The following MGAT4D variants were observed in gnomAD, a reference collection of about 807,000 sequenced individuals.
MGAT4D encodes alpha-1,3-mannosyl-glycoprotein 4-beta-N-acetylglucosaminyltransferase-like protein MGAT4D.
MGAT4D carries 34 observed loss-of-function variants against 15.9 expected under a neutral mutation model. That is an observed-to-expected ratio of 2.14 (90% CI 1.62 to 2.84). MGAT4D has a LOEUF of 2.84. Ranked by LOEUF, MGAT4D falls within the 30% of genes most tolerant of loss-of-function variation. The probability of loss-of-function intolerance (pLI) is 0.00; values close to 1 mark genes in which losing one functional copy is unlikely to be tolerated. For missense variants in MGAT4D, 327 were observed against 140.2 expected, an observed-to-expected ratio of 2.33 and a Z score of -6.73; for synonymous variants, 112 against 48.2, an observed-to-expected ratio of 2.33 and a Z score of -5.49.
intron 1 of MGAT4D, among the ~76,000 whole-genome samples, chr4:140,486,214 C>T (rs1169708997): frequency 6.6e-6 from 1 of 152,056 alleles, no homozygotes; most frequent in African/African-American, 2.4e-5. Context: ...TGCTCTTCCC[C>T]CATATCCTTT....
chr4:140,463,453 G>A (rs1324773683), intron 6 of MGAT4D, among the ~76,000 whole-genome samples: 1 of 152,034 alleles, frequency 6.6e-6, no homozygotes, highest in Non-Finnish European at 1.5e-5. Context: ...AGCCCTGCTT[G>A]CTTTCTCAGT....
At chr4:140,449,117 T>C (rs1266065399) in intron 10 of MGAT4D, among the ~76,000 whole-genome samples, 1 of 152,194 alleles carries the variant, frequency 6.6e-6, no homozygotes, top group Non-Finnish European at 1.5e-5. Flanking sequence ...TAGAAAATCA[T>C]AGAAATACAC....
At chr4:140,476,305 C>T (rs1365170671) in intron 3 of MGAT4D, among the ~76,000 whole-genome samples, 3 of 151,946 alleles carry the variant, frequency 2.0e-5, no homozygotes, top group African/African-American at 7.3e-5. Context: ...AATGTTTTGC[C>T]CCTTGATGAA....
At chr4:140,484,879 G>T (rs189279651) in intron 1 of MGAT4D, among the ~76,000 whole-genome samples, 6 of 152,140 alleles carry the variant, frequency 3.9e-5, no homozygotes, top group African/African-American at 1.4e-4. Flanking sequence ...TTAGAATGGC[G>T]ATCATTAAAA....
At chr4:140,495,711 TTTG>T (rs1277035277) in intron 1 of MGAT4D, among the ~76,000 whole-genome samples, 3 of 152,112 alleles carry the variant, frequency 2.0e-5, no homozygotes, top group African/African-American at 7.2e-5. Flanking sequence ...TCCATAAAAT[TTTG>T]TTAATTTAAT....
rs1428101226 is a variant in MGAT4D, at chr4:140,474,890, G to C, written c.448C>G (p.Gln150Glu). 1 of 699,086 alleles carries C rather than the reference G, an allele frequency of 1.4e-6. No homozygotes were observed. The highest frequency in any genetic ancestry group is 2.7e-5 in the East Asian group (1 of 36,992). 43.3% of individuals were successfully genotyped at this position (699,086 alleles called of 1,614,324 possible). A position where few individuals can be genotyped will look rare whatever the true frequency, so the allele number is the denominator to read the frequency against. Residue 150 changes from glutamine to glutamate, a missense_variant, in exon 4 of 11, where the codon CAG (glutamine) becomes GAG (glutamate). By Grantham distance (29) the Gln-to-Glu change is conservative (BLOSUM62 2). Coordinates refer to ENST00000511113, the MANE Select transcript of MGAT4D (RefSeq NM_001277353.2). Reference sequence around the variant, plus strand: ...CTGGAGACAACAGAGGTCAGTGTCTGTTTCAGGTAACTATAATTTCCTCTG... The same window carrying C: ...CTGGAGACAACAGAGGTCAGTGTCTCTTTCAGGTAACTATAATTTCCTCTG... Reference protein sequence around the residue: ...VNRGNYSYLKQTLTSVVSRMT... With the variant: ...VNRGNYSYLKETLTSVVSRMT...
At chr4:140,487,563 C>T (rs1578716277) in intron 1 of MGAT4D, among the ~76,000 whole-genome samples, 1 of 152,134 alleles carries the variant, frequency 6.6e-6, no homozygotes. Flanking sequence ...ACAATATATC[C>T]AAAATGTTTC....
intron 9 of MGAT4D, among the ~76,000 whole-genome samples, chr4:140,455,125 T>C (rs2126695586): frequency 6.6e-6 from 1 of 152,274 alleles, no homozygotes; most frequent in African/African-American, 2.4e-5. Context: ...TTGCTTTTTA[T>C]TTTGCCCTTC....
chr4:140,449,715 G>A (rs1037542941), intron 10 of MGAT4D, among the ~76,000 whole-genome samples: 4 of 152,106 alleles, frequency 2.6e-5, no homozygotes, highest in South Asian at 4.1e-4. Context: ...AGCCAAGATC[G>A]TGCCACTGCA....
In MGAT4D at chr4:140,474,826, A is replaced by T. The variant is rs889091909; in HGVS notation, c.512T>A (p.Val171Asp). 1 of 681,444 alleles carries T rather than the reference A, an allele frequency of 1.5e-6. No homozygotes were observed. 42.2% of individuals were successfully genotyped at this position (681,444 alleles called of 1,614,324 possible). ...LSQEKDSVVI[V>D]LVADSNEDYL... The stretch of plus-strand genomic sequence containing the variant: ...TTGTATACGTACATCTGCAACCAAG[A>T]CAATCACTACAGAATCCTTCTCTTG... The change falls in exon 4 of 11, where the codon GTC becomes GAC. Residue 171 changes from valine to aspartate, a missense_variant. By Grantham distance (152) the Val-to-Asp change is radical (BLOSUM62 -3). Transcript: ENST00000511113.
intron 1 of MGAT4D, among the ~76,000 whole-genome samples, chr4:140,492,691 C>G (rs1733583012): frequency 6.6e-6 from 1 of 151,988 alleles, no homozygotes; most frequent in Non-Finnish European, 1.5e-5. Context: ...GCCATTTTCT[C>G]ATTTGCCATT....
chr4:140,495,143 A>T (rs2110730270), intron 1 of MGAT4D, among the ~76,000 whole-genome samples: 1 of 152,242 alleles, frequency 6.6e-6, no homozygotes, highest in South Asian at 2.1e-4. Flanking sequence ...CTGTTTCTCG[A>T]ACAAATCAAG....
At chr4:140,456,092 T>C (rs979546910) in intron 9 of MGAT4D, among the ~76,000 whole-genome samples, 1 of 152,284 alleles carries the variant, frequency 6.6e-6, no homozygotes, top group African/African-American at 2.4e-5. Context: ...GAGCTGTGAT[T>C]GTGCCACTGC....
intron 10 of MGAT4D, chr4:140,449,937 T>G (rs1730368726): frequency 4.5e-6 from 1 of 222,892 alleles, no homozygotes; most frequent in Admixed American, 5.7e-5. Context: ...TATCTGATGA[T>G]TGTCTATATA....
At chr4:140,487,408 C>A (rs1337374338) in intron 1 of MGAT4D, among the ~76,000 whole-genome samples, 4 of 152,174 alleles carry the variant, frequency 2.6e-5, no homozygotes, top group Non-Finnish European at 5.9e-5. Context: ...CCTCTCACAG[C>A]AAGGCTCCAA....
chr4:140,491,211 C>T (rs1257573759), intron 1 of MGAT4D, among the ~76,000 whole-genome samples: 2 of 152,176 alleles, frequency 1.3e-5, no homozygotes, highest in African/African-American at 4.8e-5. Flanking sequence ...CGTCTGAGAA[C>T]TCCTCTTCTG....
At chr4:140,448,474 C>T (rs1395562655) in intron 10 of MGAT4D, among the ~76,000 whole-genome samples, 1 of 152,102 alleles carries the variant, frequency 6.6e-6, no homozygotes, top group South Asian at 2.1e-4. Flanking sequence ...ATTCTTTCCT[C>T]AGCTTTGTCT....
chr4:140,492,920 A>G (rs947047991), intron 1 of MGAT4D, among the ~76,000 whole-genome samples: 2 of 152,212 alleles, frequency 1.3e-5, no homozygotes, highest in Non-Finnish European at 2.9e-5. Context: ...AACACATATG[A>G]GGAGTTACTG....
At chr4:140,474,250 T>C (rs1454807771) in intron 4 of MGAT4D, among the ~76,000 whole-genome samples, 1 of 152,178 alleles carries the variant, frequency 6.6e-6, no homozygotes, top group Non-Finnish European at 1.5e-5. Context: ...CTGGGCAAGT[T>C]ACTTACCTTC....
Sources: gnomAD v4.1 joint callset for allele counts (sites outside exome capture counted in the v4.1 genomes callset) on GRCh38, gnomAD v4.1.1 for gene constraint, MANE v1.5 for transcripts, NCBI Gene and HGNC (gene_info 2026-07-23, HGNC 2026-07-21) for gene names.